The following NEB variants were observed in gnomAD, a reference collection of about 807,000 sequenced individuals.
NEB encodes nemaline myopathy type 2.
Under a neutral mutation model 952.2 loss-of-function variants are expected in NEB, and 512 were observed. The ratio of observed to expected loss-of-function variants is 0.54; its 90% CI spans 0.50 to 0.58. The LOEUF is 0.58. Ranked by LOEUF, NEB falls within the 20% of genes least tolerant of loss-of-function variation. NEB has a pLI of 0.00. For synonymous variants in NEB, 2,900 were observed against 3,149.8 expected (o/e 0.92, Z 2.66); for missense variants, 8,428 against 9,231.1 (o/e 0.91, Z 3.56).
rs756106087 is a variant in NEB, at chr2:151,665,321, G to A, written c.5238+12C>T. On this transcript the variant is annotated intron_variant, in intron 42 of 181. Transcript: ENST00000397345. ...AGGGTTCCCTGGGCGAGGCTGGCAG[G>A]TGAGTCCTTACCTTGTCCATGTTCA... 29 of 1,612,830 alleles carry A rather than the reference G, an allele frequency of 1.8e-5. No homozygotes were observed. Among genetic ancestry groups the A allele is most frequent in the Non-Finnish European group, 2.4e-5 (28 of 1,179,200 alleles).
chr2:151,713,442 C>A (rs1337518328), intron 10 of NEB, among the ~76,000 whole-genome samples: 1 of 152,134 alleles, frequency 6.6e-6, no homozygotes, highest in Non-Finnish European at 1.5e-5. Flanking sequence ...GGAAATCTTT[C>A]CAATTCTATG....
At chr2:151,512,938 G>T in intron 160 of NEB, 101 bp from the exon 161 acceptor site, 2 of 755,004 alleles carry the variant, frequency 2.6e-6, no homozygotes, top group South Asian at 1.6e-5. Context: ...TTTCCAAGAG[G>T]GACTCATTCA....
At chr2:151,522,701 CAG>C (rs576442482) in intron 153 of NEB, among the ~76,000 whole-genome samples, 78 of 152,348 alleles carry the variant, frequency 5.1e-4, no homozygotes, top group Non-Finnish European at 4.1e-4. Context: ...CAGAGGAAGA[CAG>C]AAATAATGGC....
At chr2:151,503,220 GTAA>G (rs2153109926) in intron 166 of NEB, 126 bp downstream of exon 166, 5 of 702,752 alleles carry the variant, frequency 7.1e-6, no homozygotes, top group Non-Finnish European at 1.2e-5. Context: ...TTTTGGTCAG[GTAA>G]TAATACACAA....
chr2:151,665,569 A>G (rs369465041), intron 41 of NEB, 30 bp from the exon 42 acceptor site: 1 of 1,509,784 alleles, frequency 6.6e-7, no homozygotes, highest in African/African-American at 1.4e-5. Context: ...ATTTCATTTC[A>G]GAAAGAGTCA....
At position 151,485,890 on chromosome 2, in the gene NEB, T is replaced by C; in HGVS notation, c.25448A>G (p.Asp8483Gly). ...ATCTCCATCCTTGAAGGACACCTCATCTGCATCAGCAGCCATATAGTCATA... is the reference window on the plus strand; with the variant it reads ...ATCTCCATCCTTGAAGGACACCTCACCTGCATCAGCAGCCATATAGTCATA... ...AMYDYMAADA[D>G]EVSFKDGDAI... Residue 8483 changes from aspartate to glycine, a missense_variant, in exon 182 of 182, where the codon GAT becomes GGT. Physicochemically the swap from Asp to Gly is moderately conservative, Grantham distance 94. Around this residue, in one of 11 missense-constraint regions of NEB, gnomAD observed 3,374 missense variants for 3,651.5 expected, o/e 0.92. Transcript: ENST00000397345. The C allele has an allele frequency of 6.2e-7, 1 of 1,613,964 alleles. No homozygotes were observed. Among genetic ancestry groups the C allele is most frequent in the South Asian group, 1.1e-5 (1 of 91,080 alleles).
At chr2:151,660,382 C>A (rs914012048) in intron 46 of NEB, among the ~76,000 whole-genome samples, 79 of 152,126 alleles carry the variant, frequency 5.2e-4, no homozygotes, top group African/African-American at 1.9e-3. Context: ...GTATGTATAT[C>A]TTTGCACACA....
Position 151,666,353 on chromosome 2 carries a change from A to C in NEB, c.4768T>G (p.Phe1590Val), listed in dbSNP as rs1456534964. 3.7e-6 allele frequency: 6 copies of C among 1,613,838 alleles called. No individual in the cohort carries two copies. Among genetic ancestry groups the C allele is most frequent in the Non-Finnish European group, 5.1e-6 (6 of 1,179,826 alleles). The change falls in exon 41 of 182, where the codon TTT becomes GTT. Residue 1590 changes from phenylalanine (F) to valine (V), a missense_variant. By Grantham distance (50) the Phe-to-Val change is conservative. Around this residue, in one of 11 missense-constraint regions of NEB, gnomAD observed 2,851 missense variants for 2,791.5 expected, o/e 1.02. Coordinates refer to ENST00000397345, the MANE Select transcript of NEB (RefSeq NM_001164508.2). ...YEKAKGKQVG[F>V]LSLQDDPKLV... ...TTAGGATCATCCTGAAGACTGAGAA[A>C]TCCAACTTGCTTGCCTTTGGCTTTC...
chr2:151,497,577 T>G (rs1178730721), intron 171 of NEB, 49 bp downstream of exon 171: 1 of 1,537,322 alleles, frequency 6.5e-7, no homozygotes, highest in East Asian at 2.4e-5. Context: ...ATCATGAAAG[T>G]TTTCAAAATC....
rs1001961243 is a variant in NEB, at chr2:151,562,776, T to C, written c.18726A>G (p.Lys6242=). The change falls in exon 120 of 182, where the codon AAA becomes AAG. Residue 6242 remains lysine, a synonymous_variant. Transcript: ENST00000397345. ...TGTCATTGGGGATATGAACATTTGC[T>C]TTGGTATCCTCATAATGTTTTCTGT... is the stretch of plus-strand genomic sequence containing the variant. The part of the protein sequence containing the change: ...LNYRKHYEDT[K]ANVHIPNDMM... 1 of 1,585,538 alleles carries C rather than the reference T, an allele frequency of 6.3e-7. No individual in the cohort carries two copies. The highest frequency in any genetic ancestry group is 1.3e-5 in the African/African-American group (1 of 74,520).
chr2:151,540,543 T>TA, intron 137 of NEB, 95 bp from the exon 138 acceptor site: 1 of 1,126,276 alleles, frequency 8.9e-7, no homozygotes, highest in Non-Finnish European at 1.3e-6. Context: ...CACAATGTGT[T>TA]ACACACTTTA....
intron 12 of NEB, among the ~76,000 whole-genome samples, chr2:151,707,275 T>C (rs540601499): frequency 1.3e-5 from 2 of 152,204 alleles, no homozygotes; most frequent in Non-Finnish European, 2.9e-5. Flanking sequence ...AAAGAACACA[T>C]GGTCCTTGCC....
chr2:151,646,022 A>T, intron 55 of NEB, 108 bp downstream of exon 55: 1 of 784,292 alleles, frequency 1.3e-6, no homozygotes, highest in Non-Finnish European at 2.0e-6. Flanking sequence ...ATATGTAGTT[A>T]ATTAATTAAA....
At chr2:151,618,174 C>G (rs2098267696) in intron 74 of NEB, 101 bp downstream of exon 74, 1 of 1,063,582 alleles carries the variant, frequency 9.4e-7, no homozygotes, top group Non-Finnish European at 1.4e-6. Context: ...AAGAAGGTAT[C>G]ATAATGCTTA....
intron 77 of NEB, among the ~76,000 whole-genome samples, chr2:151,612,693 T>C (rs2098032938): frequency 6.6e-6 from 1 of 152,242 alleles, no homozygotes; most frequent in African/African-American, 2.4e-5. Flanking sequence ...ATTCTCTGAT[T>C]TGATGGTCCC....
At chr2:151,634,875 C>A (rs1157819896) in intron 64 of NEB, among the ~76,000 whole-genome samples, 1 of 152,120 alleles carries the variant, frequency 6.6e-6, no homozygotes, top group East Asian at 1.9e-4. Context: ...TGGGTTCTAG[C>A]CTCACATGTA....
At position 151,617,382 on chromosome 2, in the gene NEB, G is replaced by T. The variant is rs1387561363; in HGVS notation, c.11163C>A (p.Asn3721Lys). 1 of 1,558,094 alleles carries T rather than the reference G, an allele frequency of 6.4e-7. No homozygotes were observed. The highest frequency in any genetic ancestry group is 1.2e-5 in the South Asian group (1 of 85,132). Residue 3721 changes from asparagine to lysine, a missense_variant, in exon 75 of 182, where the codon AAC becomes AAA. By Grantham distance (94) the Asn-to-Lys change is moderately conservative. This residue lies in a region of NEB where 1,772 missense variants were observed against 1,960.3 expected (regional missense o/e 0.90). Coordinates refer to ENST00000397345, the MANE Select transcript of NEB (RefSeq NM_001164508.2). ...DTPEIMLAKL[N>K]RINYSDKLYK... ...TACTTACATCACTGTAGTTTATTCG[G>T]TTGAGTTTGGCTAACATGATTTCTG...
chr2:151,619,245 A>C (rs1010588401), intron 73 of NEB, among the ~76,000 whole-genome samples: 6 of 152,230 alleles, frequency 3.9e-5, no homozygotes, highest in African/African-American at 1.4e-4. Context: ...TAGAACTGAT[A>C]ATATTTACTT....
rs3213817 is a variant in NEB, at chr2:151,503,248, C to A, written c.23835+101G>T. 1,741 of 854,550 alleles carry A rather than the reference C, an allele frequency of 2.0e-3. 23 individuals are homozygous for A. In the African/African-American group the frequency reaches 0.026, roughly 13 times the overall value. The allele number at this position is 854,550 out of a possible 1,614,324, so 52.9% of individuals were successfully genotyped here. On this transcript the variant is annotated intron_variant, in intron 166 of 181. Coordinates refer to ENST00000397345, the MANE Select transcript of NEB (RefSeq NM_001164508.2). ...ATAATACACAACACACACAGACACA[C>A]ACAGAATTGCTGTTAAGATGTTACT...
Sources: gnomAD v4.1 joint callset for allele counts (sites outside exome capture counted in the v4.1 genomes callset) on GRCh38, gnomAD v4.1.1 for gene constraint, gnomAD v4.1.1 regional missense constraint, MANE v1.5 for transcripts, NCBI Gene and HGNC (gene_info 2026-07-23, HGNC 2026-07-21) for gene names.